Variants in NPAS3 observed in about 807,000 individuals in gnomAD.
NPAS3 encodes neuronal PAS domain protein 3.
A neutral mutation model predicts 73.1 loss-of-function variants in NPAS3; 14 were observed. That is an observed-to-expected ratio of 0.19 (90% confidence interval 0.13 to 0.30). The LOEUF (loss-of-function observed/expected upper bound fraction) is 0.30, where lower values mean the gene tolerates loss of function less well. Among genes scored for constraint, NPAS3 ranks in the 10% least tolerant of loss-of-function variants. The pLI is 1.00. For synonymous variants in NPAS3, 620 were observed against 541.5 expected, an observed-to-expected ratio of 1.14 and a Z score of -2.01; for missense variants, 1,096 against 1,250.0, an observed-to-expected ratio of 0.88 and a Z score of 1.86.
At chr14:33,352,407 A>C (rs2140352664) in intron 3 of NPAS3, among the ~76,000 whole-genome samples, 2 of 152,300 alleles carry the variant, frequency 1.3e-5, no homozygotes, top group South Asian at 4.1e-4. Context: ...ATTAAGATTG[A>C]ATGAAAATGT....
intron 3 of NPAS3, among the ~76,000 whole-genome samples, chr14:33,360,363 G>A (rs544754706): frequency 2.1e-4 from 32 of 152,088 alleles, no homozygotes; most frequent in South Asian, 1.5e-3. Flanking sequence ...GCGGGAGGGG[G>A]CTGGTGGGTT....
chr14:33,567,119 T>C (rs748966739), intron 5 of NPAS3, among the ~76,000 whole-genome samples: 2 of 152,240 alleles, frequency 1.3e-5, no homozygotes, highest in African/African-American at 4.8e-5. Context: ...CAGCTTGTCG[T>C]TGATAATTAC....
intron 2 of NPAS3, among the ~76,000 whole-genome samples, chr14:33,152,383 C>G (rs2044480469): frequency 6.6e-6 from 1 of 152,120 alleles, no homozygotes; most frequent in South Asian, 2.1e-4. Context: ...CTGTGTGTCT[C>G]ACCAGCAAGA....
chr14:33,676,217 C>A (rs201844420), exon 6 of NPAS3: 16 of 1,613,822 alleles, frequency 9.9e-6, no homozygotes, highest in Middle Eastern at 1.7e-4. Flanking sequence ...CTAGGTGGAG[C>A]TGACAGGCAG....
At chr14:33,249,691 C>T (rs922473748) in intron 3 of NPAS3, among the ~76,000 whole-genome samples, 2 of 152,032 alleles carry the variant, frequency 1.3e-5, no homozygotes, top group African/African-American at 4.8e-5. Flanking sequence ...TAATCCCTGC[C>T]GCTTTACAGT....
chr14:33,184,713 C>G (rs1392107785), intron 2 of NPAS3, among the ~76,000 whole-genome samples: 1 of 152,092 alleles, frequency 6.6e-6, no homozygotes, highest in Non-Finnish European at 1.5e-5. Context: ...CTGTAAGTAA[C>G]TGGATATCTG....
At chr14:33,006,746 A>G (rs2152406) in intron 1 of NPAS3, among the ~76,000 whole-genome samples, 89,237 of 151,968 alleles carry the variant, frequency 0.59, 27,531 homozygotes, top group Non-Finnish European at 0.69. Context: ...CCCTCTTTAT[A>G]CCTTCCATAA....
chr14:33,615,288 AAACT>A (rs1435058509), intron 5 of NPAS3, among the ~76,000 whole-genome samples: 1 of 152,190 alleles, frequency 6.6e-6, no homozygotes, highest in African/African-American at 2.4e-5. Flanking sequence ...GGAAAGGCAT[AAACT>A]AAGTACCAAG....
intron 6 of NPAS3, among the ~76,000 whole-genome samples, chr14:33,730,351 T>C (rs1032717487): frequency 6.6e-6 from 1 of 152,194 alleles, no homozygotes; most frequent in African/African-American, 2.4e-5. Context: ...ACTCAAAGAA[T>C]AAATAATAAA....
At chr14:33,159,425 G>A (rs1196641055) in intron 2 of NPAS3, among the ~76,000 whole-genome samples, 1 of 152,002 alleles carries the variant, frequency 6.6e-6, no homozygotes, top group Non-Finnish European at 1.5e-5. Flanking sequence ...TAGAATTATG[G>A]GAATCTTGTC....
At chr14:33,483,603 C>T (rs993142505) in intron 4 of NPAS3, among the ~76,000 whole-genome samples, 10 of 152,200 alleles carry the variant, frequency 6.6e-5, no homozygotes, top group Admixed American at 2.6e-4. Context: ...TAATGGTAAA[C>T]GATGAGGGAT....
rs192627055 is a variant in NPAS3 at position 33,438,819 on chromosome 14, G to A, written c.468+71551G>A. On this transcript the variant is annotated intron_variant, in intron 4 of 11. Transcript: ENST00000356141. ...AAATTTTCCACGTTGGTTAATAGAT[G>A]ACAGAGATGAAATGAAAGGCATGGG... 2.0e-5 allele frequency among the ~76,000 whole-genome samples: 3 copies of A among 152,264 alleles called. 1 individual carries two copies. Among genetic ancestry groups the A allele is most frequent in the Admixed American group, 2.0e-4 (3 of 15,294 alleles).
At chr14:33,235,638 A>G (rs554235630) in intron 3 of NPAS3, among the ~76,000 whole-genome samples, 69 of 152,138 alleles carry the variant, frequency 4.5e-4, no homozygotes, top group African/African-American at 1.6e-3. Flanking sequence ...GAACAGAAAT[A>G]TTTGAACTGA....
intron 3 of NPAS3, among the ~76,000 whole-genome samples, chr14:33,356,820 A>AG (rs1418130192): frequency 6.6e-6 from 1 of 152,210 alleles, no homozygotes; most frequent in Admixed American, 6.5e-5. Flanking sequence ...GAAACATATT[A>AG]AGAACCTCTA....
chr14:32,977,592 C>CATGGTGGT (rs2037741172), intron 1 of NPAS3, among the ~76,000 whole-genome samples: 1 of 152,046 alleles, frequency 6.6e-6, no homozygotes, highest in Non-Finnish European at 1.5e-5. Flanking sequence ...ATTAACTGGG[C>CATGGTGGT]ATGGTGGTGT....
At chr14:33,734,438 T>C (rs1433999009) in intron 6 of NPAS3, among the ~76,000 whole-genome samples, 1 of 152,194 alleles carries the variant, frequency 6.6e-6, no homozygotes, top group African/African-American at 2.4e-5. Context: ...GCAAAAACAT[T>C]CTACTTAGTC....
intron 2 of NPAS3, among the ~76,000 whole-genome samples, chr14:33,068,827 C>T (rs1048965554): frequency 7.2e-5 from 11 of 152,098 alleles, no homozygotes; most frequent in Non-Finnish European, 8.8e-5. Context: ...ACTACAAAGG[C>T]GCTGAAGGGT....
intron 1 of NPAS3, among the ~76,000 whole-genome samples, chr14:32,970,487 A>G (rs1336167884): frequency 1.3e-5 from 2 of 152,160 alleles, no homozygotes; most frequent in Non-Finnish European, 2.9e-5. Context: ...CAACACACAA[A>G]TATAGTTTAA....
At chr14:33,689,678 T>G (rs140814511) in intron 6 of NPAS3, among the ~76,000 whole-genome samples, 4 of 152,274 alleles carry the variant, frequency 2.6e-5, no homozygotes, top group African/African-American at 7.2e-5. Context: ...GAAGAGGAAA[T>G]ACTCTTCTGG....
Sources: gnomAD v4.1 joint callset for allele counts (sites outside exome capture counted in the v4.1 genomes callset) on GRCh38, gnomAD v4.1.1 for gene constraint, MANE v1.5 for transcripts, NCBI Gene and HGNC (gene_info 2026-07-23, HGNC 2026-07-21) for gene names.